PCDH15: variants seen among roughly 807,000 people sequenced by gnomAD.
PCDH15 encodes protocadherin-15.
PCDH15 carries 129 observed loss-of-function variants against 178.5 expected under a neutral mutation model. That is an observed-to-expected ratio of 0.72 (90% CI 0.63 to 0.84). The LOEUF is 0.84. Among genes scored for constraint, PCDH15 ranks in the 40% least tolerant of loss-of-function variants. PCDH15 has a pLI of 0.00. For missense variants in PCDH15, 2,230 were observed against 2,099.9 expected, an observed-to-expected ratio of 1.06 and a Z score of -1.21; for synonymous variants, 800 against 732.0, an observed-to-expected ratio of 1.09 and a Z score of -1.50.
intron 3 of PCDH15, among the ~76,000 whole-genome samples, chr10:54,395,247 A>G (rs1444271530): frequency 1.3e-5 from 2 of 152,172 alleles, no homozygotes; most frequent in South Asian, 2.1e-4. Context: ...AGAAATTATA[A>G]AAGTATTAAT....
chr10:54,428,234 A>G (rs1268371676), intron 3 of PCDH15, among the ~76,000 whole-genome samples: 3 of 152,186 alleles, frequency 2.0e-5, no homozygotes, highest in Non-Finnish European at 4.4e-5. Context: ...TTCGGAGAGC[A>G]TCCATTGACT....
chr10:55,600,220 C>T (rs536850041), intron 2 of PCDH15, among the ~76,000 whole-genome samples: 12 of 152,008 alleles, frequency 7.9e-5, no homozygotes, highest in African/African-American at 2.4e-4. Flanking sequence ...AAAAATTAGC[C>T]GGGTGTGGTG....
chr10:55,368,283 ATAAT>A (rs1393938258), intron 2 of PCDH15, among the ~76,000 whole-genome samples: 6 of 152,246 alleles, frequency 3.9e-5, no homozygotes, highest in Admixed American at 1.3e-4. Context: ...TTGTTTATAA[ATAAT>A]TATTTTTCTT....
intron 1 of PCDH15, among the ~76,000 whole-genome samples, chr10:55,289,359 G>C (rs1442239122): frequency 6.6e-6 from 1 of 151,316 alleles, no homozygotes; most frequent in African/African-American, 2.4e-5. Flanking sequence ...CAGAAAGAAG[G>C]CAGGAAGGGA....
At chr10:54,842,622 A>C (rs187267549) in intron 3 of PCDH15, among the ~76,000 whole-genome samples, 6 of 152,082 alleles carry the variant, frequency 3.9e-5, no homozygotes, top group Admixed American at 6.6e-5. Context: ...AAAGTCAAAG[A>C]ATCTTAATGT....
At chr10:55,000,756 T>C (rs1437994809) in intron 2 of PCDH15, among the ~76,000 whole-genome samples, 1 of 152,192 alleles carries the variant, frequency 6.6e-6, no homozygotes, top group Non-Finnish European at 1.5e-5. Context: ...ACAATTTATG[T>C]TCTTCCACCA....
intron 1 of PCDH15, among the ~76,000 whole-genome samples, chr10:54,710,814 G>A (rs2095421291): frequency 6.6e-6 from 1 of 151,878 alleles, no homozygotes; most frequent in African/African-American, 2.4e-5. Context: ...CTTTTTGGGA[G>A]GTTTCTGGGT....
chr10:55,396,849 C>T (rs904695224), intron 2 of PCDH15, among the ~76,000 whole-genome samples: 14 of 152,124 alleles, frequency 9.2e-5, no homozygotes, highest in Admixed American at 7.9e-4. Context: ...CATGGAATTT[C>T]GCCCAATGCA....
intron 2 of PCDH15, among the ~76,000 whole-genome samples, chr10:54,926,836 T>G (rs1353719253): frequency 6.6e-6 from 1 of 151,976 alleles, no homozygotes; most frequent in Non-Finnish European, 1.5e-5. Context: ...TTTGGATCTG[T>G]TTACTTTTTT....
intron 2 of PCDH15, among the ~76,000 whole-genome samples, chr10:55,059,023 C>T (rs530891530): frequency 1.3e-5 from 2 of 152,286 alleles, no homozygotes; most frequent in East Asian, 1.9e-4. Flanking sequence ...AATTAAATCA[C>T]GGTCCGTGAA....
chr10:54,493,767 C>A (rs1019261406), intron 3 of PCDH15, among the ~76,000 whole-genome samples: 3 of 152,106 alleles, frequency 2.0e-5, no homozygotes, highest in African/African-American at 7.2e-5. Context: ...AATCATGCTG[C>A]TACAAAGACA....
intron 23 of PCDH15, among the ~76,000 whole-genome samples, chr10:53,947,328 C>A (rs937808402): frequency 6.6e-6 from 1 of 151,974 alleles, no homozygotes; most frequent in Non-Finnish European, 1.5e-5. Context: ...AATAAAGCTT[C>A]TAATTATTTT....
At chr10:53,991,173 C>A (rs1467228906) in intron 21 of PCDH15, among the ~76,000 whole-genome samples, 1 of 152,170 alleles carries the variant, frequency 6.6e-6, no homozygotes, top group East Asian at 1.9e-4. Context: ...GTCCCATCAA[C>A]TGCCCAAGGG....
intron 2 of PCDH15, among the ~76,000 whole-genome samples, chr10:55,449,119 T>C (rs1839379516): frequency 6.6e-6 from 1 of 152,040 alleles, no homozygotes; most frequent in Non-Finnish European, 1.5e-5. Context: ...TTAAATTGAG[T>C]AAAAATAATT....
intron 2 of PCDH15, chr10:55,575,826 T>A (rs1015627924): frequency 2.0e-5 from 3 of 152,140 alleles, no homozygotes; most frequent in Non-Finnish European, 4.4e-5. Context: ...CAGCCTTACT[T>A]CTTCAAGGTA....
At chr10:55,498,258 T>G (rs1341445961) in intron 2 of PCDH15, among the ~76,000 whole-genome samples, 1 of 151,846 alleles carries the variant, frequency 6.6e-6, no homozygotes. Flanking sequence ...TACAAAGGCA[T>G]GGGGTATTTG....
At chr10:54,150,963 T>C (rs1590807057) in intron 14 of PCDH15, among the ~76,000 whole-genome samples, 1 of 152,122 alleles carries the variant, frequency 6.6e-6, no homozygotes, top group African/African-American at 2.4e-5. Context: ...ATCTAAGCCA[T>C]GGATGCAAAA....
intron 2 of PCDH15, among the ~76,000 whole-genome samples, chr10:55,400,752 CCTGT>C (rs1353342336): frequency 2.6e-5 from 4 of 152,170 alleles, no homozygotes; most frequent in African/African-American, 7.2e-5. Flanking sequence ...TTTGCAGAAG[CCTGT>C]CTTTCATTTA....
chr10:55,275,874 T>C (rs1213545136), intron 1 of PCDH15, among the ~76,000 whole-genome samples: 1 of 151,702 alleles, frequency 6.6e-6, no homozygotes, highest in African/African-American at 2.4e-5. Context: ...TACACAATAT[T>C]TATTCTTTAT....
Sources: gnomAD v4.1 joint callset for allele counts (sites outside exome capture counted in the v4.1 genomes callset) on GRCh38, gnomAD v4.1.1 for gene constraint, MANE v1.5 for transcripts, NCBI Gene and HGNC (gene_info 2026-07-23, HGNC 2026-07-21) for gene names.